Variants in MICAL2 observed in about 807,000 individuals in gnomAD.
The protein encoded by MICAL2 is [F-actin]-monooxygenase MICAL2.
A neutral mutation model predicts 127.3 loss-of-function variants in MICAL2; 77 were observed. The ratio of observed to expected loss-of-function variants is 0.60; its 90% CI spans 0.50 to 0.73. The LOEUF is 0.73. Among genes scored for constraint, MICAL2 ranks in the 30% least tolerant of loss-of-function variants. MICAL2 has a pLI of 0.00. For synonymous variants in MICAL2, 570 were observed against 551.1 expected (o/e 1.03, Z -0.48); for missense variants, 1,351 against 1,434.4 (o/e 0.94, Z 0.94).
intron 11 of MICAL2, 63 bp from the exon 12 acceptor site, chr11:12,223,348 A>C: frequency 1.4e-6 from 2 of 1,428,070 alleles, no homozygotes; most frequent in Non-Finnish European, 2.0e-6. Context: ...GGTCGAGTTT[A>C]GGGGCCCTGA....
chr11:12,319,695 G>T lies in MICAL2; in HGVS notation c.5213-1G>T, dbSNP rs867864923. 2.5e-6 allele frequency: 4 copies of T among 1,608,422 alleles called. No homozygotes were observed. Among genetic ancestry groups the T allele is most frequent in the African/African-American group, 1.3e-5 (1 of 74,890 alleles). ...ATTGAGTTTTTCTGTTCCCATTTCA[G>T]ACTCCAAGAACTTTCCCCTCAGAGC... On this transcript the variant is annotated splice_acceptor_variant, in intron 29 of 34. Coordinates refer to the MICAL2 transcript ENST00000646065. LOFTEE classifies it high-confidence loss of function.
chr11:12,201,525 C>G (rs1233439017), intron 3 of MICAL2, among the ~76,000 whole-genome samples: 2 of 151,682 alleles, frequency 1.3e-5, no homozygotes, highest in East Asian at 3.9e-4. Flanking sequence ...GTAGTCAGAT[C>G]CCCCAGGCAA....
In MICAL2 at chr11:12,158,502, GAAAA is replaced by G. The variant is rs5789716; in HGVS notation, c.-77-3568_-77-3565del. On this transcript the variant is annotated intron_variant, in intron 2 of 27. Transcript: ENST00000683283. ...CCAACTGTGGATTGAAAATATTCAG[GAAAA>G]AAAAAAAACAGATAATTTCATCTGT... Among the ~76,000 whole-genome samples, 5 of 148,522 alleles carry G rather than the reference GAAAA, an allele frequency of 3.4e-5. No individual in the cohort carries two copies. The South Asian group carries it at 6.4e-4, about 19-fold the overall frequency.
chr11:12,344,350 C>A (rs1938917827), intron 32 of MICAL2, among the ~76,000 whole-genome samples: 1 of 151,734 alleles, frequency 6.6e-6, no homozygotes, highest in Non-Finnish European at 1.5e-5. Context: ...ATACATATGA[C>A]CTCAGTCTTT....
intron 29 of MICAL2, among the ~76,000 whole-genome samples, chr11:12,308,712 A>G (rs781571208): frequency 1.3e-5 from 2 of 152,176 alleles, no homozygotes; most frequent in Non-Finnish European, 2.9e-5. Flanking sequence ...TCCAGTTTGT[A>G]TACCTTTTTT....
chr11:12,185,451 T>A (rs1375328517), intron 3 of MICAL2, among the ~76,000 whole-genome samples: 1 of 152,136 alleles, frequency 6.6e-6, no homozygotes, highest in Non-Finnish European at 1.5e-5. Flanking sequence ...TTCATCTTGA[T>A]CCAAGCCACT....
At chr11:12,132,686 A>G (rs1851520167) in intron 1 of MICAL2, among the ~76,000 whole-genome samples, 1 of 152,126 alleles carries the variant, frequency 6.6e-6, no homozygotes, top group Non-Finnish European at 1.5e-5. Flanking sequence ...TGGCTTCTTG[A>G]TCTTCCCTAT....
intron 1 of MICAL2, among the ~76,000 whole-genome samples, chr11:12,278,526 ACAT>A (rs945004376): frequency 1.3e-5 from 2 of 152,254 alleles, no homozygotes; most frequent in South Asian, 2.1e-4. Context: ...GCTGACTAAA[ACAT>A]CATTATGAAA....
At chr11:12,281,017 G>A (rs779947162) in exon 2 of MICAL2, 16 of 399,020 alleles carry the variant, frequency 4.0e-5, no homozygotes, top group Non-Finnish European at 5.3e-5. Context: ...CAGGATCCCC[G>A]CATCTACCGC....
At chr11:12,316,712 G>T (rs1009236882) in intron 29 of MICAL2, among the ~76,000 whole-genome samples, 1 of 152,000 alleles carries the variant, frequency 6.6e-6, no homozygotes, top group African/African-American at 2.4e-5. Context: ...TTCACCAGCT[G>T]CCAGACTCTG....
At chr11:12,226,705 T>C (rs1169895371) in intron 14 of MICAL2, among the ~76,000 whole-genome samples, 1 of 145,568 alleles carries the variant, frequency 6.9e-6, no homozygotes, top group African/African-American at 2.6e-5. Context: ...GAGGCTGGAG[T>C]GCAGTGGTGT....
chr11:12,347,432 T>C (rs998783934), intron 32 of MICAL2, among the ~76,000 whole-genome samples: 17 of 152,240 alleles, frequency 1.1e-4, no homozygotes, highest in African/African-American at 3.4e-4. Flanking sequence ...TATATATCAC[T>C]GTATCTCCAG....
rs113124121 is a variant in MICAL2 at position 12,259,990 on chromosome 11, G to T, written c.3334+93G>T. The T allele has an allele frequency of 5.8e-3, 9,101 of 1,559,708 alleles. 44 individuals are homozygous for T. Among genetic ancestry groups the T allele is most frequent in the Non-Finnish European group, 6.8e-3 (7,845 of 1,152,492 alleles). On this transcript the variant is annotated intron_variant, in intron 26 of 27. Coordinates refer to ENST00000683283, the MANE Select transcript of MICAL2 (RefSeq NM_001282663.2). ...CTGGATGCAGGGACTCCTGCAAGCT[G>T]CTGGCCTCCATATCAGGGACAATGC...
chr11:12,270,617 G>A (rs1444536893), intron 24 of MICAL2, among the ~76,000 whole-genome samples: 1 of 152,170 alleles, frequency 6.6e-6, no homozygotes, highest in African/African-American at 2.4e-5. Context: ...TTTCCTGTCT[G>A]GATGCTTCTG....
In MICAL2 at chr11:12,220,206, C is replaced by T. The variant is rs1191774058; in HGVS notation, c.954C>T (p.Tyr318=). 6 of 1,614,038 alleles carry T rather than the reference C, an allele frequency of 3.7e-6. No homozygotes were observed. Among genetic ancestry groups the T allele is most frequent in the Middle Eastern group, 3.3e-4 (2 of 6,084 alleles). The change falls in exon 9 of 28, where the codon TAC becomes TAT. Residue 318 remains tyrosine, a synonymous_variant. Coordinates refer to ENST00000683283, the MANE Select transcript of MICAL2 (RefSeq NM_001282663.2). ...LLDKGVIIND[Y]IDTEMLLCAE... Reference sequence around the variant, plus strand: ...CATGTTTTCATCTTCCCCAGGACTACATCGACACAGAGATGCTGCTGTGTG... The same window carrying T: ...CATGTTTTCATCTTCCCCAGGACTATATCGACACAGAGATGCTGCTGTGTG...
intron 1 of MICAL2, among the ~76,000 whole-genome samples, chr11:12,278,229 T>C (rs1466439633): frequency 6.6e-6 from 1 of 152,230 alleles, no homozygotes; most frequent in African/African-American, 2.4e-5. Context: ...TACTGTAACT[T>C]TGTTACTTTC....
At chr11:12,258,592 AG>A (rs1862652144) in intron 25 of MICAL2, 36 bp downstream of exon 25, 1 of 1,585,394 alleles carries the variant, frequency 6.3e-7, no homozygotes, top group African/African-American at 1.3e-5. Flanking sequence ...GAAACGGGGA[AG>A]GCCCCTTGAT....
At chr11:12,349,914 A>C in exon 33 of MICAL2, 1 of 1,614,096 alleles carries the variant, frequency 6.2e-7, no homozygotes, top group Non-Finnish European at 8.5e-7. Flanking sequence ...AATTAATGCG[A>C]TATGAGTCGG....
intron 29 of MICAL2, among the ~76,000 whole-genome samples, chr11:12,315,833 C>T (rs186490565): frequency 6.6e-6 from 1 of 152,062 alleles, no homozygotes; most frequent in South Asian, 2.1e-4. Flanking sequence ...AGGGTTAATA[C>T]CCCTTAGCTA....
Sources: gnomAD v4.1 joint callset for allele counts (sites outside exome capture counted in the v4.1 genomes callset) on GRCh38, gnomAD v4.1.1 for gene constraint, MANE v1.5 for transcripts, NCBI Gene and HGNC (gene_info 2026-07-23, HGNC 2026-07-21) for gene names.